The following RBFOX1 variants were observed in gnomAD, a reference collection of about 807,000 sequenced individuals.
RBFOX1 encodes RNA binding fox-1 homolog 1, also known as RNA binding protein fox-1 homolog 1.
RBFOX1 carries 8 observed loss-of-function variants against 57.7 expected under a neutral mutation model. The ratio of observed to expected loss-of-function variants is 0.14; its 90% CI spans 0.08 to 0.25. The LOEUF (loss-of-function observed/expected upper bound fraction) is 0.25, where lower values mean the gene tolerates loss of function less well. Ranked by LOEUF, RBFOX1 falls within the 10% of genes least tolerant of loss-of-function variation. The pLI, the probability that RBFOX1 is intolerant of heterozygous loss-of-function variation, is 1.00. For synonymous variants in RBFOX1, 326 were observed against 222.4 expected (o/e 1.47, Z -4.15); for missense variants, 611 against 548.5 (o/e 1.11, Z -1.14).
At chr16:6,718,452 TTGA>T (rs2065272027) in intron 3 of RBFOX1, among the ~76,000 whole-genome samples, 1 of 152,048 alleles carries the variant, frequency 6.6e-6, no homozygotes, top group Non-Finnish European at 1.5e-5. Flanking sequence ...GTAAGAGTAA[TTGA>T]TGATGGTGAT....
chr16:5,541,325 A>G lies in RBFOX1; in HGVS notation c.259-57577A>G, dbSNP rs371766264. On this transcript the variant is annotated intron_variant, in intron 2 of 2. Transcript: ENST00000585867. ...GTTAATTTAGAGAGTTTATTTTGTC[A>G]AGGTTGAGGACACACGCCCATGACA... 1.6e-4 allele frequency among the ~76,000 whole-genome samples: 24 copies of G among 152,174 alleles called. No individual in the cohort carries two copies. In the East Asian group the frequency reaches 3.3e-3, roughly 21 times the overall value.
At chr16:5,526,987 G>T (rs775423957) in intron 2 of RBFOX1, among the ~76,000 whole-genome samples, 8 of 152,306 alleles carry the variant, frequency 5.3e-5, no homozygotes, top group Non-Finnish European at 1.0e-4. Context: ...ATTTCTGGGA[G>T]GCTTAAAGGG....
chr16:7,675,813 C>G (rs1482882290), intron 13 of RBFOX1, among the ~76,000 whole-genome samples: 2 of 152,106 alleles, frequency 1.3e-5, no homozygotes, highest in African/African-American at 4.8e-5. Flanking sequence ...ACTGTGTGTT[C>G]TAATTAGAAC....
chr16:6,063,357 T>C (rs192164914), intron 1 of RBFOX1, among the ~76,000 whole-genome samples: 2 of 152,040 alleles, frequency 1.3e-5, no homozygotes, highest in Non-Finnish European at 2.9e-5. Flanking sequence ...ATGGGTTCAT[T>C]AACACTTAAT....
Position 7,514,732 on chromosome 16 carries a change from C to A in RBFOX1, c.28-3415C>A, listed in dbSNP as rs563413564. On this transcript the variant is annotated intron_variant, in intron 4 of 15. Coordinates refer to ENST00000550418, the MANE Select transcript of RBFOX1 (RefSeq NM_018723.4). Reference sequence around the variant, plus strand: ...GGGGTTGAGAGGATGGAGCTCTTCTCCCTTAACTGACCATAAGCTTCTGGA... The same window carrying A: ...GGGGTTGAGAGGATGGAGCTCTTCTACCTTAACTGACCATAAGCTTCTGGA... Among the ~76,000 whole-genome samples, 257 of 152,236 alleles carry A rather than the reference C, an allele frequency of 1.7e-3. 2 individuals carry two copies. Among genetic ancestry groups the A allele is most frequent in the South Asian group, 2.9e-3 (14 of 4,824 alleles).
chr16:6,100,733 C>T (rs1040512616), intron 1 of RBFOX1, among the ~76,000 whole-genome samples: 5 of 152,072 alleles, frequency 3.3e-5, no homozygotes, highest in South Asian at 2.1e-4. Flanking sequence ...AGAAGAATCC[C>T]GGTCCATCAA....
At chr16:6,775,394 A>G (rs1367412923) in intron 3 of RBFOX1, among the ~76,000 whole-genome samples, 1 of 151,534 alleles carries the variant, frequency 6.6e-6, no homozygotes, top group African/African-American at 2.4e-5. Flanking sequence ...AACTGTTAAG[A>G]CCTCTCAGGT....
chr16:6,672,618 T>C (rs969470067), intron 3 of RBFOX1, among the ~76,000 whole-genome samples: 3 of 152,148 alleles, frequency 2.0e-5, no homozygotes, highest in Admixed American at 2.0e-4. Context: ...ATAAGACTAC[T>C]GACTTCAGGT....
chr16:7,156,727 T>A (rs2077228403), intron 4 of RBFOX1, among the ~76,000 whole-genome samples: 1 of 152,184 alleles, frequency 6.6e-6, no homozygotes, highest in Non-Finnish European at 1.5e-5. Flanking sequence ...GATTCCTTAT[T>A]GATGCATGTT....
chr16:5,821,810 C>T (rs897440952), intron 3 of RBFOX1, among the ~76,000 whole-genome samples: 1 of 152,126 alleles, frequency 6.6e-6, no homozygotes, highest in Admixed American at 6.6e-5. Context: ...AGGATGGTCT[C>T]TTGCTGCTGC....
intron 2 of RBFOX1, among the ~76,000 whole-genome samples, chr16:5,587,802 G>A (rs1367741601): frequency 6.6e-6 from 1 of 152,194 alleles, no homozygotes; most frequent in Non-Finnish European, 1.5e-5. Flanking sequence ...CAGCCAGAGA[G>A]TTCCTCAAAT....
At chr16:7,320,950 A>G (rs192540932) in intron 4 of RBFOX1, among the ~76,000 whole-genome samples, 1 of 152,170 alleles carries the variant, frequency 6.6e-6, no homozygotes, top group Non-Finnish European at 1.5e-5. Flanking sequence ...TTTGGACCCA[A>G]ACTTCTTATG....
chr16:5,998,192 G>C (rs893428816), intron 4 of RBFOX1, among the ~76,000 whole-genome samples: 2 of 152,178 alleles, frequency 1.3e-5, no homozygotes, highest in Admixed American at 1.3e-4. Context: ...TTTTGTTCTG[G>C]GGAAAATTCA....
intron 1 of RBFOX1, among the ~76,000 whole-genome samples, chr16:6,182,556 T>C (rs1451210610): frequency 6.6e-6 from 1 of 152,230 alleles, no homozygotes; most frequent in African/African-American, 2.4e-5. Flanking sequence ...CACATAACTT[T>C]GTATTGAATT....
chr16:6,231,520 G>A (rs1400220105), intron 1 of RBFOX1, among the ~76,000 whole-genome samples: 2 of 152,260 alleles, frequency 1.3e-5, no homozygotes, highest in East Asian at 3.9e-4. Context: ...TTCTCATGTT[G>A]GCATTAACGC....
At chr16:6,406,133 C>G (rs1392678683) in intron 2 of RBFOX1, among the ~76,000 whole-genome samples, 1 of 152,196 alleles carries the variant, frequency 6.6e-6, no homozygotes, top group Non-Finnish European at 1.5e-5. Context: ...AGGCTAAAGA[C>G]CATGTGTTTT....
chr16:5,373,157 C>G (rs9929602), intron 1 of RBFOX1, among the ~76,000 whole-genome samples: 11 of 151,962 alleles, frequency 7.2e-5, no homozygotes, highest in Non-Finnish European at 1.3e-4. Context: ...GAACCATGGC[C>G]CATTGAGACA....
intron 6 of RBFOX1, among the ~76,000 whole-genome samples, chr16:7,582,698 G>C (rs1350452785): frequency 6.6e-6 from 1 of 152,140 alleles, no homozygotes; most frequent in Non-Finnish European, 1.5e-5. Flanking sequence ...CACGTTATTT[G>C]GACATGAGAC....
intron 2 of RBFOX1, among the ~76,000 whole-genome samples, chr16:6,492,524 G>C (rs749125366): frequency 2.6e-5 from 4 of 152,114 alleles, no homozygotes; most frequent in Non-Finnish European, 4.4e-5. Flanking sequence ...AGCCGAGATG[G>C]TGCCACTGCA....
Sources: gnomAD v4.1 joint callset for allele counts (sites outside exome capture counted in the v4.1 genomes callset) on GRCh38, gnomAD v4.1.1 for gene constraint, MANE v1.5 for transcripts, NCBI Gene and HGNC (gene_info 2026-07-23, HGNC 2026-07-21) for gene names.